The following RGS7 variants were observed in gnomAD, a reference collection of about 807,000 sequenced individuals.
RGS7 encodes the protein regulator of G protein signaling 7.
In RGS7, 27 loss-of-function variants were observed where a neutral mutation model predicts 81.1. The ratio of observed to expected loss-of-function variants is 0.33; its 90% CI spans 0.25 to 0.46. The LOEUF (loss-of-function observed/expected upper bound fraction) is 0.46. Ranked by LOEUF, RGS7 falls within the 20% of genes least tolerant of loss-of-function variation. RGS7 has a pLI of 1.00. For missense variants in RGS7, 396 were observed against 607.4 expected (o/e 0.65, Z 3.66); for synonymous variants, 208 against 207.7 (o/e 1.00, Z -0.01).
At chr1:240,960,217 C>CTTTTTTTTTTTTTTTTTTTTTTT (rs750366747) in intron 4 of RGS7, among the ~76,000 whole-genome samples, 4 of 8,956 alleles carry the variant, frequency 4.5e-4, no homozygotes, top group South Asian at 9.3e-3. Context: ...TCTTCTTCTT[C>CTTTTTTTTTTTTTTTTTTTTTTT]TTTTTTTTTT....
chr1:241,145,647 G>C (rs1316875990), intron 2 of RGS7, among the ~76,000 whole-genome samples: 11 of 152,160 alleles, frequency 7.2e-5, no homozygotes, highest in Admixed American at 6.5e-4. Flanking sequence ...TTGAGGCTGA[G>C]GCACAAGAAT....
intron 3 of RGS7, among the ~76,000 whole-genome samples, chr1:241,047,733 CTT>C (rs34738551): frequency 1.5e-3 from 134 of 89,492 alleles, no homozygotes; most frequent in Middle Eastern, 0.014. Context: ...GTTTACAATC[CTT>C]TTTTTTTTTT....
chr1:241,214,271 T>G (rs547039903), intron 2 of RGS7, among the ~76,000 whole-genome samples: 1 of 152,136 alleles, frequency 6.6e-6, no homozygotes, highest in Non-Finnish European at 1.5e-5. Context: ...TTTAAAAACA[T>G]TATTTTCTTT....
chr1:240,839,031 C>T (rs1304437903), intron 9 of RGS7, among the ~76,000 whole-genome samples: 1 of 152,214 alleles, frequency 6.6e-6, no homozygotes, highest in East Asian at 1.9e-4. Context: ...TCCCAAAGTG[C>T]TGGGATGACA....
At chr1:241,110,689 T>A (rs985732663) in intron 2 of RGS7, among the ~76,000 whole-genome samples, 1 of 146,018 alleles carries the variant, frequency 6.8e-6, no homozygotes, top group African/African-American at 2.7e-5. Flanking sequence ...AGGGTCTCAC[T>A]CACTCTTTTT....
At chr1:241,147,780 T>TTTTATATATATA (rs1428939736) in intron 2 of RGS7, among the ~76,000 whole-genome samples, 1,198 of 44,634 alleles carry the variant, frequency 0.027, 106 homozygotes, top group Non-Finnish European at 0.044. Flanking sequence ...AGATTAAGTT[T>TTTTATATATATA]TATATATATA....
chr1:241,180,795 G>C (rs2071554158), intron 2 of RGS7, among the ~76,000 whole-genome samples: 1 of 152,180 alleles, frequency 6.6e-6, no homozygotes, highest in African/African-American at 2.4e-5. Context: ...GCAGCGCACG[G>C]GAGTCAAGAG....
chr1:240,967,473 G>A (rs1682492337), intron 4 of RGS7, among the ~76,000 whole-genome samples: 1 of 151,172 alleles, frequency 6.6e-6, no homozygotes, highest in Non-Finnish European at 1.5e-5. Flanking sequence ...GAGTCTGAGA[G>A]ATCACGGAGG....
rs2061503141 is a variant in RGS7 at position 241,056,947 on chromosome 1, G to A, written c.175+41719C>T. Among the ~76,000 whole-genome samples the A allele has an allele frequency of 3.3e-5, 5 of 152,158 alleles. No individual in the cohort carries two copies. In the South Asian group the frequency reaches 1.0e-3, roughly 32 times the overall value. ...TACTGTCCTGGGTACTACCTGCTTG[G>A]AATACACAGTCCTTTTTTGTCCTTC... On this transcript the variant is annotated intron_variant, in intron 3 of 18. Transcript: ENST00000440928.
intron 4 of RGS7, among the ~76,000 whole-genome samples, chr1:240,944,278 G>A (rs1437139116): frequency 0.023 from 464 of 19,940 alleles, 1 homozygote; most frequent in Non-Finnish European, 0.03. Flanking sequence ...GTGTGTGTGT[G>A]TGTGTATATA....
intron 2 of RGS7, among the ~76,000 whole-genome samples, chr1:241,243,212 G>C (rs1340470007): frequency 1.3e-5 from 2 of 152,164 alleles, no homozygotes; most frequent in African/African-American, 4.8e-5. Context: ...TTGCATGTCA[G>C]ATATTTAATC....
At position 241,337,144 on chromosome 1, in the gene RGS7, C is replaced by G. The variant is rs368081888; in HGVS notation, c.78+18555G>C. On this transcript the variant is annotated intron_variant, in intron 2 of 18. Transcript: ENST00000440928. ...GCATGGAGAGATGACACTCACCTTA[C>G]TGGACTGTTAGGAAAATCAAACAAA... Among the ~76,000 whole-genome samples the G allele has an allele frequency of 4.6e-5, 7 of 152,294 alleles. No homozygotes were observed. In the East Asian group the frequency reaches 1.2e-3, roughly 25 times the overall value.
intron 10 of RGS7, among the ~76,000 whole-genome samples, chr1:240,823,704 C>T (rs572546039): frequency 6.6e-6 from 1 of 152,310 alleles, no homozygotes; most frequent in East Asian, 1.9e-4. Context: ...TGCCACTCTT[C>T]CCTAGGTCTC....
chr1:241,241,832 A>T (rs2076273703), intron 2 of RGS7, among the ~76,000 whole-genome samples: 1 of 152,110 alleles, frequency 6.6e-6, no homozygotes, highest in Admixed American at 6.5e-5. Context: ...GCAGCAGGTG[A>T]ATCTAACCTA....
intron 6 of RGS7, among the ~76,000 whole-genome samples, chr1:240,890,046 C>G (rs1312860672): frequency 6.6e-6 from 1 of 152,202 alleles, no homozygotes; most frequent in Non-Finnish European, 1.5e-5. Context: ...CAGAGACTTC[C>G]CTCCCCACAC....
intron 18 of RGS7, among the ~76,000 whole-genome samples, chr1:240,790,745 G>C (rs1558254796): frequency 6.6e-6 from 1 of 152,176 alleles, no homozygotes; most frequent in Non-Finnish European, 1.5e-5. Context: ...CTACAGAAAA[G>C]ATTCTTGCAA....
At position 241,024,879 on chromosome 1, in the gene RGS7, G is replaced by A. The variant is rs1329151796; in HGVS notation, c.176-41750C>T. Among the ~76,000 whole-genome samples, 3 of 151,414 alleles carry A rather than the reference G, an allele frequency of 2.0e-5. No homozygotes were observed. In the East Asian group the frequency reaches 5.8e-4, roughly 29 times the overall value. ...ACCCCTTTATCAAGAACGAGAGTAA[G>A]TCAAAGAGATTGCTGATTGCAAATT... On this transcript the variant is annotated intron_variant, in intron 3 of 18. Coordinates refer to ENST00000440928, the MANE Select transcript of RGS7 (RefSeq NM_001364886.1).
intron 2 of RGS7, among the ~76,000 whole-genome samples, chr1:241,233,147 T>C (rs534520702): frequency 1.3e-5 from 2 of 152,228 alleles, no homozygotes; most frequent in Non-Finnish European, 2.9e-5. Flanking sequence ...TAGATGTCCA[T>C]GTGATAATTT....
At chr1:240,972,004 G>A (rs1683276536) in intron 4 of RGS7, among the ~76,000 whole-genome samples, 1 of 152,136 alleles carries the variant, frequency 6.6e-6, no homozygotes, top group South Asian at 2.1e-4. Context: ...GAAAAGATCT[G>A]TTTTTATTGA....
Sources: allele counts gnomAD v4.1 joint callset (sites outside exome capture counted in the v4.1 genomes callset), GRCh38; gene constraint gnomAD v4.1.1; transcripts MANE v1.5; gene names NCBI Gene and HGNC (gene_info 2026-07-23, HGNC 2026-07-21).